The following PKD1 variants were observed in gnomAD, a reference collection of about 807,000 sequenced individuals.
PKD1 encodes polycystin-1.
Under a neutral mutation model 361.7 loss-of-function variants are expected in PKD1, and 81 were observed. The ratio of observed to expected loss-of-function variants is 0.22; its 90% CI spans 0.19 to 0.27. The LOEUF (loss-of-function observed/expected upper bound fraction) is 0.27. Ranked by LOEUF, PKD1 falls within the 10% of genes least tolerant of loss-of-function variation. The pLI is 1.00. For synonymous variants in PKD1, 3,615 were observed against 2,818.3 expected (o/e 1.28, Z -8.95); for missense variants, 6,399 against 6,118.3 (o/e 1.05, Z -1.53).
At chr16:2,097,040 G>A (rs1308120111) in intron 34 of PKD1, 108 bp downstream of exon 34, 2 of 758,240 alleles carry the variant, frequency 2.6e-6, no homozygotes, top group East Asian at 2.7e-5. Context: ...CCACAGCCCT[G>A]CCCTGGCACC....
intron 14 of PKD1, 54 bp from the exon 15 acceptor site, chr16:2,111,925 C>T (rs1423241405): frequency 1.0e-5 from 16 of 1,595,206 alleles, no homozygotes; most frequent in South Asian, 5.6e-5. Context: ...TGCTCCCCAC[C>T]CGCTCGGCAG....
chr16:2,131,413 C>T (rs1228476112), intron 1 of PKD1, among the ~76,000 whole-genome samples: 5 of 152,096 alleles, frequency 3.3e-5, no homozygotes, highest in South Asian at 2.1e-4. Flanking sequence ...GAGGCTGAGG[C>T]AGGAGAATGG....
intron 1 of PKD1, among the ~76,000 whole-genome samples, chr16:2,125,349 C>A (rs1320173864): frequency 2.6e-5 from 4 of 152,204 alleles, no homozygotes; most frequent in Non-Finnish European, 5.9e-5. Context: ...GACGAGGCTG[C>A]CAGGCCCCAA....
rs1432193747 is a variant in PKD1, at chr16:2,097,365, G to A, written c.10359C>T (p.Phe3453=). 6 of 1,612,110 alleles carry A rather than the reference G, an allele frequency of 3.7e-6. No individual in the cohort carries two copies. Among genetic ancestry groups the A allele is most frequent in the Non-Finnish European group, 5.1e-6 (6 of 1,179,936 alleles). ...CAGGCGAGTAGGGGCTGGCCAGGGA[G>A]AAGCCGTCCTCCTCTGGGCCCAGCC... ...GHGLGPEEDG[F]SLASPYSPAK... Residue 3453 remains phenylalanine (F), a synonymous_variant, in exon 33 of 46, where the codon TTC becomes TTT. Transcript: ENST00000262304.
At position 2,088,709 on chromosome 16, in the gene PKD1, T is replaced by G. The variant is rs918995030; in HGVS notation, c.*1018A>C. The G allele has an allele frequency of 1.4e-6, 2 of 1,458,206 alleles. No individual in the cohort carries two copies. The highest frequency in any genetic ancestry group is 1.8e-6 in the Non-Finnish European group (2 of 1,083,818). 90.3% of individuals were successfully genotyped at this position (1,458,206 alleles called of 1,614,324 possible). On this transcript the variant is annotated 3_prime_UTR_variant, in exon 46 of 46. Transcript: ENST00000262304. ...AGTGCACAGACATAGAGGCACAGAT[T>G]GCAGTCAGACAGCTCTTTTATTGAC...
In PKD1 at chr16:2,109,489, C is replaced by G; in HGVS notation, c.5678G>C (p.Trp1893Ser). ...AEEPIVGLVL[W>S]ASSKVVAPGQ... ...GGGCGCCACCACCTTGCTGCTGGCCCACAGCACCAGGCCCACGATGGGCTC... is the reference window on the plus strand; with the variant it reads ...GGGCGCCACCACCTTGCTGCTGGCCGACAGCACCAGGCCCACGATGGGCTC... Residue 1893 changes from tryptophan (W) to serine (S), a missense_variant, in exon 15 of 46, where the codon TGG (tryptophan) becomes TCG (serine). Physicochemically the swap from Trp to Ser is radical, Grantham distance 177 (BLOSUM62 -3). Transcript: ENST00000262304. 2.5e-6 allele frequency: 4 copies of G among 1,609,542 alleles called. No individual in the cohort carries two copies. The highest frequency in any genetic ancestry group is 3.4e-6 in the Non-Finnish European group (4 of 1,179,306).
Position 2,103,571 on chromosome 16 carries a change from A to T in PKD1, c.8486T>A (p.Val2829Glu). 1 of 1,610,196 alleles carries T rather than the reference A, an allele frequency of 6.2e-7. No homozygotes were observed. Among genetic ancestry groups the T allele is most frequent in the Non-Finnish European group, 8.5e-7 (1 of 1,179,684 alleles). The change falls in exon 23 of 46, where the codon GTG (valine) becomes GAG (glutamate). Residue 2829 changes from valine (V) to glutamate (E), a missense_variant. By Grantham distance (121) the Val-to-Glu change is moderately radical. Transcript: ENST00000262304. ...LSDVVQLIFL[V>E]DSNPFPFGYI... ...GCCAAAGGGAAAGGGATTGGAGTCC[A>T]CCAGAAAGATGAGCTGCACCACGTC...
In PKD1 at chr16:2,097,887, A is replaced by G; in HGVS notation, c.10148T>C (p.Phe3383Ser). 1 of 1,603,962 alleles carries G rather than the reference A, an allele frequency of 6.2e-7. No individual in the cohort carries two copies. The highest frequency in any genetic ancestry group is 8.5e-7 in the Non-Finnish European group (1 of 1,173,504). ...SSVLDSSFLT[F>S]SGLHAEQAFV... is the part of the protein sequence containing the mutation. ...CCTCACCTCAGCGTGGAGGCCTGAG[A>G]ACGTGAGGAAGGAGCTGTCCAGCAC... The change falls in exon 31 of 46, where the codon TTC becomes TCC. Residue 3383 changes from phenylalanine to serine, a missense_variant. By Grantham distance (155) the Phe-to-Ser change is radical. Transcript: ENST00000262304.
chr16:2,092,930 G>C (rs755299957), intron 38 of PKD1, 24 bp downstream of exon 38: 6 of 1,612,784 alleles, frequency 3.7e-6, no homozygotes, highest in Non-Finnish European at 4.2e-6. Flanking sequence ...CCAGAAGACA[G>C]ACCAGTGCAC....
In PKD1 at chr16:2,102,252, G is replaced by A. The variant is rs1235153499; in HGVS notation, c.9206C>T (p.Pro3069Leu). ...GACGATGTAGTTTACATCCGCTGTC[G>A]GCTCCTGTGAGGACACAGCCGCCGG... ...PSHVRFVFPE[P>L]TADVNYIVML... Residue 3069 changes from proline (P) to leucine (L), a missense_variant, in exon 26 of 46, where the codon CCG (proline) becomes CTG (leucine). Coordinates refer to ENST00000262304, the MANE Select transcript of PKD1 (RefSeq NM_001009944.3). The A allele has an allele frequency of 1.6e-5, 24 of 1,520,678 alleles. No homozygotes were observed. The highest frequency in any genetic ancestry group is 3.5e-5 in the Admixed American group (2 of 57,154). 94.2% of individuals were successfully genotyped at this position (1,520,678 alleles called of 1,614,324 possible).
chr16:2,089,622 C>T lies in PKD1; in HGVS notation c.*105G>A. On this transcript the variant is annotated 3_prime_UTR_variant, in exon 46 of 46. Coordinates refer to ENST00000262304, the MANE Select transcript of PKD1 (RefSeq NM_001009944.3). The stretch of plus-strand genomic sequence containing the variant: ...TGCCCCTGCCTGCTCTCTGGGGAAC[C>T]TACGTGCAGCCATTCTGCCTGGCCC... 2.2e-6 allele frequency: 3 copies of T among 1,387,074 alleles called. No individual in the cohort carries two copies. The highest frequency in any genetic ancestry group is 3.0e-6 in the Non-Finnish European group (3 of 1,009,300). The allele number at this position is 1,387,074 out of a possible 1,614,324, so 85.9% of individuals were successfully genotyped here.
rs966407153 is a variant in PKD1 at position 2,111,459 on chromosome 16, C to G, written c.3708G>C (p.Gln1236His). ...AGGTCCACGTGATGTTGTCGCCCGT[C>G]TGCACCGCGGCGCTGACCACCACGG... ...GAPVVVSAAV[Q>H]TGDNITWTFD... The change falls in exon 15 of 46, where the codon CAG becomes CAC. Residue 1236 changes from glutamine (Q) to histidine (H), a missense_variant. Coordinates refer to ENST00000262304, the MANE Select transcript of PKD1 (RefSeq NM_001009944.3). 1 of 1,611,766 alleles carries G rather than the reference C, an allele frequency of 6.2e-7. No individual in the cohort carries two copies. Among genetic ancestry groups the G allele is most frequent in the African/African-American group, 1.3e-5 (1 of 74,916 alleles).
Position 2,103,510 on chromosome 16 carries a change from G to A in PKD1, c.8547C>T (p.Ala2849=). 1 of 1,605,582 alleles carries A rather than the reference G, an allele frequency of 6.2e-7. No individual in the cohort carries two copies. Among genetic ancestry groups the A allele is most frequent in the Non-Finnish European group, 8.5e-7 (1 of 1,179,716 alleles). Residue 2849 remains alanine (A), a synonymous_variant, in exon 23 of 46, where the codon GCC becomes GCT. Coordinates refer to ENST00000262304, the MANE Select transcript of PKD1 (RefSeq NM_001009944.3). The part of the protein sequence containing the change: ...ISNYTVSTKV[A]SMAFQTQAGA... ...CGGCCTGTGTCTGGAATGCCATCGA[G>A]GCCACCTTGGTGGAGACGGTGTAGT...
In PKD1 at chr16:2,097,295, C is replaced by T. The variant is rs763029828; in HGVS notation, c.10405+24G>A. On this transcript the variant is annotated intron_variant, in intron 33 of 45. Transcript: ENST00000262304. Reference sequence around the variant, plus strand: ...CCAGCTGCAAGGGTGAGCTTCAGAGCCCCCTCCTCTCACCCCAGCTCACCT... The same window carrying T: ...CCAGCTGCAAGGGTGAGCTTCAGAGTCCCCTCCTCTCACCCCAGCTCACCT... The T allele has an allele frequency of 6.8e-6, 11 of 1,611,182 alleles. No individual in the cohort carries two copies. The South Asian group carries it at 8.8e-5, about 13-fold the overall frequency.
In PKD1 at chr16:2,115,265, T is replaced by G. The variant is rs189842507; in HGVS notation, c.2097+113A>C. 187 of 1,148,488 alleles carry G rather than the reference T, an allele frequency of 1.6e-4. No individual in the cohort carries two copies. In the African/African-American group the frequency reaches 2.7e-3, roughly 17 times the overall value. 71.1% of individuals were successfully genotyped at this position (1,148,488 alleles called of 1,614,324 possible). A position where few individuals can be genotyped will look rare whatever the true frequency, so the allele number is the denominator to read the frequency against. On this transcript the variant is annotated intron_variant, in intron 10 of 45. Transcript: ENST00000262304. ...TCGGAGGTCAGAGGTGGCAAGGACGTGGGAGGGGCCTGCAGGCTGGGTGTG... is the reference window on the plus strand; with the variant it reads ...TCGGAGGTCAGAGGTGGCAAGGACGGGGGAGGGGCCTGCAGGCTGGGTGTG...
At chr16:2,094,476 G>A (rs1408806606) in intron 34 of PKD1, among the ~76,000 whole-genome samples, 2 of 152,154 alleles carry the variant, frequency 1.3e-5, no homozygotes, top group Non-Finnish European at 2.9e-5. Flanking sequence ...CCCACAGCCT[G>A]ACCAGCTGCC....
At chr16:2,107,571 G>C in intron 16 of PKD1, 1 of 478,960 alleles carries the variant, frequency 2.1e-6, no homozygotes, top group Non-Finnish European at 3.9e-6. Context: ...ACCACATCCA[G>C]CAACAGGGAC....
Position 2,090,517 on chromosome 16 carries a change from A to T in PKD1, c.12212T>A (p.Leu4071His). Residue 4071 changes from leucine to histidine, a missense_variant, in exon 45 of 46, where the codon CTC becomes CAC. By Grantham distance (99) the Leu-to-His change is moderately conservative (BLOSUM62 -3). Transcript: ENST00000262304. The part of the protein sequence containing the change: ...ALLVLCPGTG[L>H]STLCPAESWH... ...GGACTCGGCAGGACACAGGGTAGAG[A>T]GCCCAGTCCCAGGGCACAGCACCAA... is the stretch of plus-strand genomic sequence containing the variant. 2 of 1,611,104 alleles carry T rather than the reference A, an allele frequency of 1.2e-6. No homozygotes were observed.
intron 1 of PKD1, among the ~76,000 whole-genome samples, chr16:2,133,886 G>A (rs1347103049): frequency 6.6e-6 from 1 of 151,814 alleles, no homozygotes; most frequent in East Asian, 1.9e-4. Flanking sequence ...AGGGGCGGGG[G>A]CTCCACTGCT....
Sources: gnomAD v4.1 joint callset for allele counts (sites outside exome capture counted in the v4.1 genomes callset) on GRCh38, gnomAD v4.1.1 for gene constraint, MANE v1.5 for transcripts, NCBI Gene and HGNC (gene_info 2026-07-23, HGNC 2026-07-21) for gene names.